PNPLA8: variants seen among roughly 807,000 people sequenced by gnomAD.
PNPLA8 encodes the protein calcium-independent phospholipase A2-gamma.
PNPLA8 carries 39 observed loss-of-function variants against 76.9 expected under a neutral mutation model. The ratio of observed to expected loss-of-function variants is 0.51; its 90% confidence interval spans 0.39 to 0.66. The LOEUF is 0.66. PNPLA8 is among the 30% of genes least tolerant of loss of function. PNPLA8 has a pLI of 0.00. For missense variants in PNPLA8, 887 were observed against 918.0 expected (o/e 0.97, Z 0.44); for synonymous variants, 301 against 307.9 (o/e 0.98, Z 0.24).
At position 108,515,302 on chromosome 7, in the gene PNPLA8, C is replaced by A; in HGVS notation, c.190G>T (p.Ala64Ser). The change falls in exon 3 of 11, where the codon GCA becomes TCA. Residue 64 changes from alanine (A) to serine (S), a missense_variant. Transcript: ENST00000257694. ...TAACAGTGCTTACTGCAAGAATGTG[C>A]TTCACTTTTGGTCCATTTACATCTT... is the stretch of plus-strand genomic sequence containing the variant. Reference protein sequence around the residue: ...IIRCKWTKSEAHSCSKHCYSP... With the variant: ...IIRCKWTKSESHSCSKHCYSP... The A allele has an allele frequency of 6.2e-7, 1 of 1,610,970 alleles. No homozygotes were observed. Among genetic ancestry groups the A allele is most frequent in the Non-Finnish European group, 8.5e-7 (1 of 1,178,936 alleles).
chr7:108,491,863 G>C (rs1360122776), intron 7 of PNPLA8, among the ~76,000 whole-genome samples: 2 of 152,202 alleles, frequency 1.3e-5, no homozygotes, highest in Non-Finnish European at 2.9e-5. Context: ...ATAGGATAAA[G>C]GAGCTGTGTT....
chr7:108,473,219 C>G (rs1241641581), intron 10 of PNPLA8, among the ~76,000 whole-genome samples: 1 of 152,152 alleles, frequency 6.6e-6, no homozygotes, highest in Non-Finnish European at 1.5e-5. Flanking sequence ...GGACAAAATA[C>G]TTTTGAGATT....
chr7:108,499,615 G>A (rs1284785662), intron 5 of PNPLA8, among the ~76,000 whole-genome samples: 1 of 152,132 alleles, frequency 6.6e-6, no homozygotes, highest in Non-Finnish European at 1.5e-5. Flanking sequence ...AGTCACAACT[G>A]TCCTCTTCAA....
intron 4 of PNPLA8, 55 bp from the exon 5 acceptor site, chr7:108,502,697 T>A: frequency 1.5e-6 from 2 of 1,310,542 alleles, no homozygotes; most frequent in Non-Finnish European, 2.2e-6. Context: ...ACTGAAAATG[T>A]ATGATTATTA....
At chr7:108,487,978 T>C (rs745456604) in intron 8 of PNPLA8, 25 bp from the exon 9 acceptor site, 1 of 1,397,708 alleles carries the variant, frequency 7.2e-7, no homozygotes, top group African/African-American at 1.4e-5. Flanking sequence ...AGTGAACAAT[T>C]CCATCATTAA....
chr7:108,479,000 T>C (rs1050953612), intron 10 of PNPLA8, among the ~76,000 whole-genome samples, 184 bp downstream of exon 10: 3 of 152,186 alleles, frequency 2.0e-5, no homozygotes, highest in African/African-American at 7.2e-5. Flanking sequence ...ACAGTCTCTG[T>C]TCTAGAGTCA....
intron 4 of PNPLA8, chr7:108,510,231 C>A: frequency 7.5e-7 from 1 of 1,330,530 alleles, no homozygotes; most frequent in South Asian, 1.3e-5. Flanking sequence ...CCGGCTGGAA[C>A]CATGGTGGGT....
chr7:108,476,833 C>T (rs1371297361), intron 10 of PNPLA8, among the ~76,000 whole-genome samples: 2 of 152,072 alleles, frequency 1.3e-5, no homozygotes, highest in Non-Finnish European at 2.9e-5. Context: ...CTGCCACTTG[C>T]GACAACGTGG....
intron 10 of PNPLA8, 91 bp from the exon 11 acceptor site, chr7:108,472,766 A>C: frequency 1.1e-6 from 1 of 888,654 alleles, no homozygotes; most frequent in Non-Finnish European, 1.6e-6. Context: ...TTTAAAATTA[A>C]CTTCTTTTTA....
intron 7 of PNPLA8, among the ~76,000 whole-genome samples, chr7:108,495,449 T>C (rs937820024): frequency 3.1e-4 from 47 of 152,084 alleles, no homozygotes; most frequent in Admixed American, 2.4e-3. Context: ...ACACACACAC[T>C]CACAACTACA....
intron 4 of PNPLA8, chr7:108,510,903 C>T (rs200835726): frequency 6.3e-7 from 1 of 1,588,966 alleles, no homozygotes; most frequent in Non-Finnish European, 8.5e-7. Flanking sequence ...AAAAAGACCA[C>T]CCATTTTGTA....
At chr7:108,523,831 A>C (rs1410066871) in intron 1 of PNPLA8, among the ~76,000 whole-genome samples, 1 of 152,152 alleles carries the variant, frequency 6.6e-6, no homozygotes, top group East Asian at 1.9e-4. Flanking sequence ...TAGTGTGGGG[A>C]AGAGGGCCAC....
chr7:108,505,044 C>T (rs1242015990), intron 4 of PNPLA8, among the ~76,000 whole-genome samples: 2 of 151,870 alleles, frequency 1.3e-5, no homozygotes, highest in South Asian at 4.2e-4. Flanking sequence ...CATTGCACTC[C>T]AGCCTGGGCA....
intron 8 of PNPLA8, among the ~76,000 whole-genome samples, chr7:108,489,783 T>C (rs1861009790): frequency 6.6e-6 from 1 of 152,200 alleles, no homozygotes; most frequent in Non-Finnish European, 1.5e-5. Context: ...TATCTGAGAA[T>C]AAATACAAGC....
chr7:108,505,864 AC>A (rs1273077342), intron 4 of PNPLA8, among the ~76,000 whole-genome samples: 3 of 152,218 alleles, frequency 2.0e-5, no homozygotes, highest in Non-Finnish European at 4.4e-5. Flanking sequence ...CAAGTGAGTT[AC>A]AACCGTAATA....
chr7:108,514,370 T>C lies in PNPLA8; in HGVS notation c.1056+66A>G, dbSNP rs1863145680. ...AACAATGAAAGTTTCTTAGTTCTCA[T>C]TAGGAAATAAAACTTATAAATTTGA... On this transcript the variant is annotated intron_variant, in intron 3 of 10. Transcript: ENST00000257694. 5 of 1,537,444 alleles carry C rather than the reference T, an allele frequency of 3.3e-6. No homozygotes were observed. The South Asian group carries it at 4.8e-5, about 15-fold the overall frequency.
chr7:108,515,097 C>T lies in PNPLA8; in HGVS notation c.395G>A (p.Ser132Asn), dbSNP rs1048176389. ...MISRLAQFKP[S>N]SQILRKVSDS... ...CGATACTTTTCTTAAAATTTGGGAA[C>T]TTGGCTTAAATTGAGCTAAACGTGA... Residue 132 changes from serine to asparagine, a missense_variant, in exon 3 of 11, where the codon AGT becomes AAT. Physicochemically the swap from Ser to Asn is conservative, Grantham distance 46. Coordinates refer to ENST00000257694, the MANE Select transcript of PNPLA8 (RefSeq NM_001256007.3). The T allele has an allele frequency of 1.2e-6, 2 of 1,605,484 alleles. No homozygotes were observed. Among genetic ancestry groups the T allele is most frequent in the Admixed American group, 3.5e-5 (2 of 57,728 alleles).
chr7:108,479,453 A>C (rs1432871462), intron 9 of PNPLA8, 74 bp from the exon 10 acceptor site: 2 of 1,021,814 alleles, frequency 2.0e-6, no homozygotes, highest in African/African-American at 3.3e-5. Flanking sequence ...TAATAAGCTA[A>C]ATAAATTATT....
intron 2 of PNPLA8, among the ~76,000 whole-genome samples, chr7:108,519,973 TCC>T: frequency 1.3e-5 from 2 of 152,204 alleles, no homozygotes; most frequent in African/African-American, 4.8e-5. Context: ...CAACTCTCCG[TCC>T]ATTCCTTCTC....
Sources: gnomAD v4.1 joint callset for allele counts (sites outside exome capture counted in the v4.1 genomes callset) on GRCh38, gnomAD v4.1.1 for gene constraint, MANE v1.5 for transcripts, NCBI Gene and HGNC (gene_info 2026-07-23, HGNC 2026-07-21) for gene names.